The following ARNT variants were observed in gnomAD, a reference collection of about 807,000 sequenced individuals.
The protein encoded by ARNT is aryl hydrocarbon receptor nuclear translocator.
ARNT carries 30 observed loss-of-function variants against 105.0 expected under a neutral mutation model. The observed-to-expected ratio is 0.29, with a 90% CI of 0.21 to 0.39. The LOEUF (loss-of-function observed/expected upper bound fraction) is 0.39, where lower values mean the gene tolerates loss of function less well. Ranked by LOEUF, ARNT falls within the 10% of genes least tolerant of loss-of-function variation. The pLI is 1.00. For synonymous variants in ARNT, 304 were observed against 344.0 expected (o/e 0.88, Z 1.29); for missense variants, 748 against 978.7 (o/e 0.76, Z 3.15).
At chr1:150,862,393 C>A (rs371270390) in intron 1 of ARNT, among the ~76,000 whole-genome samples, 5 of 152,200 alleles carry the variant, frequency 3.3e-5, no homozygotes, top group African/African-American at 9.6e-5. Context: ...CCTCCAACAG[C>A]ACTGTGTTTT....
At chr1:150,820,017 G>T (rs1408463233) in intron 14 of ARNT, among the ~76,000 whole-genome samples, 3 of 152,194 alleles carry the variant, frequency 2.0e-5, no homozygotes, top group Non-Finnish European at 4.4e-5. Flanking sequence ...TGAAAGAGGA[G>T]GATGTAGCTA....
At chr1:150,836,181 A>T in intron 7 of ARNT, 99 bp downstream of exon 7, 1 of 1,159,348 alleles carries the variant, frequency 8.6e-7, no homozygotes, top group African/African-American at 1.5e-5. Context: ...AAGCCTTGCC[A>T]GAGTCAACAA....
chr1:150,834,362 CA>C (rs1659888519), intron 8 of ARNT, among the ~76,000 whole-genome samples, 175 bp downstream of exon 8: 1 of 152,168 alleles, frequency 6.6e-6, no homozygotes, highest in African/African-American at 2.4e-5. Flanking sequence ...TAGTGTCTGG[CA>C]AGTTCAGAAA....
intron 12 of ARNT, among the ~76,000 whole-genome samples, chr1:150,827,662 G>T (rs765825296): frequency 3.9e-5 from 6 of 152,152 alleles, no homozygotes; most frequent in Non-Finnish European, 7.4e-5. Flanking sequence ...GGGTGAACAT[G>T]TTTTCATTTC....
At chr1:150,824,852 GTTATTTTATTTTTTATT>G (rs1225760532) in intron 13 of ARNT, among the ~76,000 whole-genome samples, 1 of 151,608 alleles carries the variant, frequency 6.6e-6, no homozygotes, top group Non-Finnish European at 1.5e-5. Context: ...AGTAATTTTA[GTTATTTTATTTTTTATT>G]TTATTTTATT....
rs959329845 is a variant in ARNT, at chr1:150,810,633, A to T, written c.*1388T>A. 9 of 129,818 alleles carry T rather than the reference A, an allele frequency of 6.9e-5. No homozygotes were observed. The highest frequency in any genetic ancestry group is 3.8e-4 in the Admixed American group (5 of 13,208). The allele number at this position is 129,818 out of a possible 1,614,324, so 8.0% of individuals were successfully genotyped here. On this transcript the variant is annotated 3_prime_UTR_variant, in exon 22 of 22. Transcript: ENST00000358595. ...TTTAGCTACTGGCCAAAGCCAATTT[A>T]AAAAAAAAAAAAAAAAAGCTGGTAT...
rs895992774 is a variant in ARNT at position 150,855,025 on chromosome 1, G to A, written c.138-2219C>T. On this transcript the variant is annotated intron_variant, in intron 2 of 21. Coordinates refer to ENST00000358595, the MANE Select transcript of ARNT (RefSeq NM_001668.4). Reference sequence around the variant, plus strand: ...TCCCCAGGCTGGTCTTGAATTCCTGGGCTCAAGTAATCCTCCTACCTCAGC... The same window carrying A: ...TCCCCAGGCTGGTCTTGAATTCCTGAGCTCAAGTAATCCTCCTACCTCAGC... Among the ~76,000 whole-genome samples the A allele has an allele frequency of 1.8e-4, 28 of 152,006 alleles. 1 individual carries two copies. The highest frequency in any genetic ancestry group is 2.1e-4 in the South Asian group (1 of 4,826).
At position 150,846,250 on chromosome 1, in the gene ARNT, A is replaced by G. The variant is rs1410565353; in HGVS notation, c.227+13T>C. On this transcript the variant is annotated intron_variant, in intron 4 of 21. Coordinates refer to ENST00000358595, the MANE Select transcript of ARNT (RefSeq NM_001668.4). ...TATTATATATTACAATATATTACCT[A>G]CTACAATATTACCTGGCAAACCGCT... is the stretch of plus-strand genomic sequence containing the variant. The G allele has an allele frequency of 6.2e-7, 1 of 1,600,376 alleles. No homozygotes were observed. Among genetic ancestry groups the G allele is most frequent in the East Asian group, 2.2e-5 (1 of 44,748 alleles).
chr1:150,858,958 C>T (rs1665116026), intron 1 of ARNT, among the ~76,000 whole-genome samples: 1 of 151,792 alleles, frequency 6.6e-6, no homozygotes, highest in African/African-American at 2.4e-5. Context: ...AAGATATCCC[C>T]ATACTTCAGT....
rs771221579 is a variant in ARNT at position 150,829,222 on chromosome 1, A to G, written c.1038T>C (p.Thr346=). The G allele has an allele frequency of 1.9e-6, 3 of 1,613,552 alleles. No individual in the cohort carries two copies. In the Admixed American group the frequency reaches 5.0e-5, roughly 27 times the overall value. ...TCATGTCTGTACAGTTGGGAGAACT[A>G]GTTACCTGAGAGTGAAGAGATAAAA... The part of the protein sequence containing the change: ...CLVAIGRLQV[T]SSPNCTDMSN... The change falls in exon 12 of 22, where the codon ACT becomes ACC. Residue 346 remains threonine, a synonymous_variant. Transcript: ENST00000358595.
chr1:150,873,382 G>A (rs749092402), intron 1 of ARNT, among the ~76,000 whole-genome samples: 10 of 151,508 alleles, frequency 6.6e-5, no homozygotes, highest in Non-Finnish European at 8.8e-5. Flanking sequence ...CCTACCCACC[G>A]AGTTCTACTT....
intron 17 of ARNT, 29 bp downstream of exon 17, chr1:150,817,053 T>A (rs1220065071): frequency 6.2e-7 from 1 of 1,613,814 alleles, no homozygotes; most frequent in East Asian, 2.2e-5. Context: ...TAAATGAGAA[T>A]TTAAAAGGAT....
chr1:150,819,381 G>A (rs1656605393), intron 14 of ARNT, among the ~76,000 whole-genome samples: 2 of 152,100 alleles, frequency 1.3e-5, no homozygotes, highest in African/African-American at 4.8e-5. Flanking sequence ...ACTCCTGGGT[G>A]GAATTCAAGA....
At chr1:150,851,973 A>T (rs192665252) in intron 3 of ARNT, among the ~76,000 whole-genome samples, 3 of 151,970 alleles carry the variant, frequency 2.0e-5, no homozygotes, top group East Asian at 3.9e-4. Flanking sequence ...GCTAGAACCC[A>T]GGAGGCGGAG....
At chr1:150,831,924 T>TG (rs1553210230) in intron 9 of ARNT, 21 bp from the exon 10 acceptor site, 125 of 1,368,244 alleles carry the variant, frequency 9.1e-5, no homozygotes, top group Non-Finnish European at 1.1e-4. Flanking sequence ...TACAGGAGTT[T>TG]GAAAAAAAAA....
At chr1:150,824,443 T>C (rs1406870264) in intron 13 of ARNT, among the ~76,000 whole-genome samples, 1 of 151,074 alleles carries the variant, frequency 6.6e-6, no homozygotes, top group African/African-American at 2.4e-5. Flanking sequence ...AGAACATCTG[T>C]TTTCTTTTCT....
At chr1:150,861,588 T>C (rs1665652456) in intron 1 of ARNT, among the ~76,000 whole-genome samples, 1 of 152,078 alleles carries the variant, frequency 6.6e-6, no homozygotes, top group Admixed American at 6.6e-5. Context: ...GGGAGGAGGA[T>C]CATTTGAGTC....
At chr1:150,818,261 CCTT>C (rs1656353381) in intron 14 of ARNT, 1 of 415,600 alleles carries the variant, frequency 2.4e-6, no homozygotes, top group East Asian at 3.6e-5. Flanking sequence ...GGTTCTAACT[CCTT>C]CTAGGTATTC....
intron 5 of ARNT, chr1:150,842,122 G>C: frequency 4.1e-6 from 1 of 245,552 alleles, no homozygotes; most frequent in Non-Finnish European, 6.5e-6. Flanking sequence ...TGGCACGGTT[G>C]CATTCCTTCT....
Sources: allele counts gnomAD v4.1 joint callset (sites outside exome capture counted in the v4.1 genomes callset), GRCh38; gene constraint gnomAD v4.1.1; transcripts MANE v1.5; gene names NCBI Gene and HGNC (gene_info 2026-07-23, HGNC 2026-07-21).